Variants in FOCAD observed in about 807,000 individuals in gnomAD.
FOCAD encodes the protein focadhesin, also known as KIAA1797.
FOCAD carries 198 observed loss-of-function variants against 225.6 expected under a neutral mutation model. That is an observed-to-expected ratio of 0.88 (90% CI 0.78 to 0.99). FOCAD has a LOEUF of 0.99. Among genes scored for constraint, FOCAD ranks in the 50% least tolerant of loss-of-function variants. The pLI, the probability that FOCAD is intolerant of heterozygous loss-of-function variation, is 0.00. For synonymous variants in FOCAD, 897 were observed against 755.0 expected (o/e 1.19, Z -3.08); for missense variants, 2,713 against 2,123.6 (o/e 1.28, Z -5.46).
intron 21 of FOCAD, among the ~76,000 whole-genome samples, chr9:20,886,782 C>T (rs1289382951): frequency 6.6e-6 from 1 of 152,180 alleles, no homozygotes; most frequent in Non-Finnish European, 1.5e-5. Context: ...GCTTAAAACA[C>T]AAAGGCTGGG....
chr9:20,805,850 A>G (rs1247867832), intron 11 of FOCAD, among the ~76,000 whole-genome samples: 2 of 152,182 alleles, frequency 1.3e-5, no homozygotes. Context: ...ATTTTGTAAA[A>G]TAGGAGATAG....
chr9:20,945,345 A>G (rs1295290929), intron 29 of FOCAD, among the ~76,000 whole-genome samples: 2 of 152,140 alleles, frequency 1.3e-5, no homozygotes, highest in East Asian at 1.9e-4. Context: ...GCCTGTCTCT[A>G]TTTTGCCCAG....
intron 3 of FOCAD, among the ~76,000 whole-genome samples, chr9:20,718,121 A>G (rs1460976129): frequency 6.6e-6 from 1 of 152,208 alleles, no homozygotes; most frequent in African/African-American, 2.4e-5. Flanking sequence ...TCTTATGACT[A>G]TTAATGAAAA....
chr9:20,874,630 C>T, intron 18 of FOCAD, 51 bp from the exon 19 acceptor site: 5 of 1,567,914 alleles, frequency 3.2e-6, no homozygotes, highest in Non-Finnish European at 4.3e-6. Flanking sequence ...AAAGATTTTG[C>T]ATAATGTTTT....
At chr9:20,913,016 T>G in intron 23 of FOCAD, 62 bp downstream of exon 23, 27 of 1,359,338 alleles carry the variant, frequency 2.0e-5, no homozygotes, top group Non-Finnish European at 2.8e-5. Context: ...AGGGGAAAGG[T>G]AACTACTTTA....
chr9:20,952,522 G>A (rs959276183), intron 34 of FOCAD: 1 of 163,638 alleles, frequency 6.1e-6, no homozygotes, highest in African/African-American at 2.4e-5. Context: ...TTAGGTAAGG[G>A]ATTGGTGCTG....
chr9:20,783,790 C>G (rs1212225464), intron 10 of FOCAD, among the ~76,000 whole-genome samples: 1 of 152,058 alleles, frequency 6.6e-6, no homozygotes, highest in East Asian at 1.9e-4. Flanking sequence ...CCTCCTTGTT[C>G]TCCTCCACTC....
chr9:20,805,681 G>T (rs747701154), intron 11 of FOCAD, among the ~76,000 whole-genome samples: 1 of 152,028 alleles, frequency 6.6e-6, no homozygotes, highest in African/African-American at 2.4e-5. Flanking sequence ...AATTCTGTTA[G>T]ATTTCTCATT....
chr9:20,913,188 A>ACACG (rs1554723014), intron 23 of FOCAD, among the ~76,000 whole-genome samples: 2 of 145,390 alleles, frequency 1.4e-5, no homozygotes, highest in East Asian at 4.0e-4. Flanking sequence ...ACACACACAC[A>ACACG]CGTTCTAAAA....
chr9:20,852,509 C>T (rs1216569407), intron 15 of FOCAD, among the ~76,000 whole-genome samples: 1 of 151,638 alleles, frequency 6.6e-6, no homozygotes, highest in Non-Finnish European at 1.5e-5. Context: ...TTTCATTGAA[C>T]GTGTAATCAG....
intron 1 of FOCAD, among the ~76,000 whole-genome samples, chr9:20,699,777 T>A (rs1468085733): frequency 3.1e-4 from 12 of 38,336 alleles, no homozygotes; most frequent in Admixed American, 9.9e-4. Context: ...AAAAAAAATA[T>A]ATATATATAT....
chr9:20,700,884 T>A (rs1823885771), intron 1 of FOCAD, among the ~76,000 whole-genome samples: 1 of 152,192 alleles, frequency 6.6e-6, no homozygotes, highest in African/African-American at 2.4e-5. Context: ...TGCCAGACCC[T>A]GAAGGGGGTG....
chr9:20,770,218 A>G lies in FOCAD; in HGVS notation c.886A>G (p.Ser296Gly), dbSNP rs752884080. ...CSSSIHLLEH[S>G]VELLKEDFPV... The stretch of plus-strand genomic sequence containing the variant: ...ATCTTCAATTCACCTTTTAGAGCAC[A>G]GTGTTGAACTTCTGAAGGAGGTAAG... The change falls in exon 8 of 44, where the codon AGT (serine) becomes GGT (glycine). Residue 296 changes from serine to glycine, a missense_variant. Coordinates refer to ENST00000338382, the MANE Select transcript of FOCAD (RefSeq NM_001375567.1). 1.2e-6 allele frequency: 2 copies of G among 1,614,006 alleles called. No individual in the cohort carries two copies. Among genetic ancestry groups the G allele is most frequent in the East Asian group, 2.2e-5 (1 of 44,866 alleles).
chr9:20,990,278 A>T lies in FOCAD; in HGVS notation c.5160A>T (p.Pro1720=), dbSNP rs1587802238. 1 of 1,614,148 alleles carries T rather than the reference A, an allele frequency of 6.2e-7. No individual in the cohort carries two copies. Among genetic ancestry groups the T allele is most frequent in the Middle Eastern group, 1.7e-4 (1 of 6,054 alleles). Residue 1720 remains proline, a synonymous_variant, in exon 42 of 44, where the codon CCA becomes CCT. Transcript: ENST00000338382. ...TACCAAGCTTCCTTGGCAGGAGTCC[A>T]ATGCACAGGGTCACTCTGCAGGAGG... The part of the protein sequence containing the change: ...GPVPSFLGRS[P]MHRVTLQEVL...
chr9:20,674,679 A>G (rs1266497407), intron 2 of FOCAD, among the ~76,000 whole-genome samples: 7 of 152,230 alleles, frequency 4.6e-5, no homozygotes, highest in South Asian at 2.1e-4. Flanking sequence ...AAAGTAGGCC[A>G]TGTGTTCTTT....
chr9:20,835,032 A>G (rs554848135), intron 15 of FOCAD, among the ~76,000 whole-genome samples: 1 of 152,206 alleles, frequency 6.6e-6, no homozygotes, highest in Non-Finnish European at 1.5e-5. Context: ...AAAAGGATAC[A>G]TGTGGCTCAC....
chr9:20,862,798 CTGTTGTTGT>C (rs142288658), intron 16 of FOCAD, 86 bp downstream of exon 16: 2 of 1,444,200 alleles, frequency 1.4e-6, no homozygotes, highest in South Asian at 1.4e-5. Context: ...TATTCCTAAT[CTGTTGTTGT>C]TGTTGTTGTT....
intron 15 of FOCAD, among the ~76,000 whole-genome samples, chr9:20,835,451 T>A (rs1209046615): frequency 6.6e-6 from 1 of 152,104 alleles, no homozygotes; most frequent in Non-Finnish European, 1.5e-5. Context: ...GAGTGTAGTT[T>A]AGGAACAATT....
upstream of FOCAD, chr9:20,658,182 G>A (rs1467756221): frequency 6.6e-6 from 1 of 152,250 alleles, no homozygotes; most frequent in African/African-American, 2.4e-5. Context: ...TCTCTTCAAA[G>A]CTGTCAGACA....
Sources: gnomAD v4.1 joint callset for allele counts (sites outside exome capture counted in the v4.1 genomes callset) on GRCh38, gnomAD v4.1.1 for gene constraint, MANE v1.5 for transcripts, NCBI Gene and HGNC (gene_info 2026-07-23, HGNC 2026-07-21) for gene names.